Variants in TRIM11 observed in about 807,000 individuals in gnomAD.
The protein encoded by TRIM11 is E3 ubiquitin-protein ligase TRIM11.
Under a neutral mutation model 33.4 loss-of-function variants are expected in TRIM11, and 15 were observed. The ratio of observed to expected loss-of-function variants is 0.45; its 90% confidence interval spans 0.30 to 0.69. The LOEUF (loss-of-function observed/expected upper bound fraction) is 0.69. Among genes scored for constraint, TRIM11 ranks in the 30% least tolerant of loss-of-function variants. The pLI is 0.08. For synonymous variants in TRIM11, 281 were observed against 302.6 expected, an observed-to-expected ratio of 0.93 and a Z score of 0.74; for missense variants, 499 against 667.6, an observed-to-expected ratio of 0.75 and a Z score of 2.78.
rs779690968 is a variant in TRIM11, at chr1:228,396,890, G to C, written c.859+57C>G. 2.1e-5 allele frequency: 32 copies of C among 1,546,654 alleles called. No homozygotes were observed. In the Admixed American group the frequency reaches 2.5e-4, roughly 12 times the overall value. On this transcript the variant is annotated intron_variant, in intron 5 of 5. Coordinates refer to ENST00000284551, the MANE Select transcript of TRIM11 (RefSeq NM_145214.3). ...CACAGAACACGTGGCTGGCTGCCCA[G>C]GTCCTTGGCAGGTCCCCTCCTGGAG...
In TRIM11 at chr1:228,401,803, C is replaced by G. The variant is rs1214189996; in HGVS notation, c.504+263G>C. 1.3e-5 allele frequency among the ~76,000 whole-genome samples: 2 copies of G among 152,176 alleles called. No individual in the cohort carries two copies. Among genetic ancestry groups the G allele is most frequent in the Non-Finnish European group, 2.9e-5 (2 of 68,022 alleles). On this transcript the variant is annotated intron_variant, in intron 2 of 5. Transcript: ENST00000284551. The surrounding 1 kb of genome is among the most constrained non-coding windows in gnomAD (Gnocchi z 6.1). ...CTCCAGGGCCCAGACCCTAAATACA[C>G]CTGAGAGTTGCCACCCAAGCATGCT...
At chr1:228,398,176 T>C (rs1375240675) in intron 3 of TRIM11, among the ~76,000 whole-genome samples, 1 of 152,194 alleles carries the variant, frequency 6.6e-6, no homozygotes, top group African/African-American at 2.4e-5. Context: ...TCCCACACCA[T>C]GTTCATTCTA....
chr1:228,397,099 C>A (rs1260427879), intron 4 of TRIM11, 44 bp downstream of exon 4: 7 of 1,613,888 alleles, frequency 4.3e-6, no homozygotes, highest in Non-Finnish European at 5.9e-6. Flanking sequence ...TGGGTCCCAC[C>A]CCACTCCCTC....
chr1:228,399,217 C>A (rs1043196874), intron 3 of TRIM11, among the ~76,000 whole-genome samples: 3 of 152,166 alleles, frequency 2.0e-5, no homozygotes, highest in African/African-American at 7.2e-5. Flanking sequence ...ACCTGTCCCT[C>A]TCAAACCAGC....
At chr1:228,396,407 A>C in intron 5 of TRIM11, 1 of 509,326 alleles carries the variant, frequency 2.0e-6, no homozygotes, top group Non-Finnish European at 3.5e-6. Flanking sequence ...GCACCCAGGG[A>C]GGGTGGGAAA....
Position 228,406,108 on chromosome 1 carries a change from C to T in TRIM11, c.408+46G>A. The stretch of plus-strand genomic sequence containing the variant: ...TCCCACCCGCCCAGGCCTCCCCAGT[C>T]CCCGGCTCCCCGACGCCCCTGCACG... On this transcript the variant is annotated intron_variant, in intron 1 of 5. Transcript: ENST00000284551. This position sits in a 1 kb window ranked among gnomAD's most constrained non-coding sequence, Gnocchi z 8.2. 1 of 1,204,642 alleles carries T rather than the reference C, an allele frequency of 8.3e-7. No homozygotes were observed. The highest frequency in any genetic ancestry group is 1.1e-6 in the Non-Finnish European group (1 of 928,812). The allele number at this position is 1,204,642 out of a possible 1,614,324, so 74.6% of individuals were successfully genotyped here.
rs1656212576 is a variant in TRIM11 at position 228,401,291 on chromosome 1, G to A, written c.505-97C>T. 5 of 1,434,640 alleles carry A rather than the reference G, an allele frequency of 3.5e-6. No individual in the cohort carries two copies. The highest frequency in any genetic ancestry group is 5.0e-5 in the East Asian group (2 of 40,388). 88.9% of individuals were successfully genotyped at this position (1,434,640 alleles called of 1,614,324 possible). ...CCCAAGCCCACCCAGAGGCCTGGCT[G>A]CACCCAACCCCACCCCCGGGGCCTG... On this transcript the variant is annotated intron_variant, in intron 2 of 5. Transcript: ENST00000284551. This position sits in a 1 kb window ranked among gnomAD's most constrained non-coding sequence, Gnocchi z 6.1.
intron 3 of TRIM11, among the ~76,000 whole-genome samples, chr1:228,399,154 C>A (rs505849): frequency 6.6e-6 from 1 of 152,114 alleles, no homozygotes; most frequent in African/African-American, 2.4e-5. Flanking sequence ...GTGCTGGGAA[C>A]CCGGGTTGGG....
rs200949368 is a variant in TRIM11 at position 228,401,032 on chromosome 1, C to A, written c.667G>T (p.Ala223Ser). 4.3e-6 allele frequency: 7 copies of A among 1,610,916 alleles called. No individual in the cohort carries two copies. The South Asian group carries it at 4.4e-5, about 10-fold the overall frequency. ...TCGGCGATGAGCTCAGCTAGGTGGGCGCTCTGCTGGCCTAGGTGGGCTGCG... is the reference window on the plus strand; with the variant it reads ...TCGGCGATGAGCTCAGCTAGGTGGGAGCTCTGCTGGCCTAGGTGGGCTGCG... ...EGAAHLGQQS[A>S]HLAELIAELE... The change falls in exon 3 of 6, where the codon GCC (alanine) becomes TCC (serine). Residue 223 changes from alanine to serine, a missense_variant. Physicochemically the swap from Ala to Ser is moderately conservative, Grantham distance 99. Transcript: ENST00000284551. This position sits in a 1 kb window ranked among gnomAD's most constrained non-coding sequence, Gnocchi z 6.1.
rs2074975328 is a variant in TRIM11 at position 228,395,357 on chromosome 1, G to A, written c.860-105C>T. 1 of 1,270,776 alleles carries A rather than the reference G, an allele frequency of 7.9e-7. No individual in the cohort carries two copies. 78.7% of individuals were successfully genotyped at this position (1,270,776 alleles called of 1,614,324 possible). On this transcript the variant is annotated intron_variant, in intron 5 of 5. Coordinates refer to ENST00000284551, the MANE Select transcript of TRIM11 (RefSeq NM_145214.3). This position sits in a 1 kb window ranked among gnomAD's most constrained non-coding sequence, Gnocchi z 4.8. The stretch of plus-strand genomic sequence containing the variant: ...TACAATCCTCCCAGTCGGACGGCCT[G>A]GCTCTCTGCCCTGGGCCTGTAGCCT...
Position 228,406,086 on chromosome 1 carries a change from CA to C in TRIM11, c.408+67del. 117 of 1,267,668 alleles carry C rather than the reference CA, an allele frequency of 9.2e-5. No individual in the cohort carries two copies. The highest frequency in any genetic ancestry group is 1.1e-4 in the Non-Finnish European group (109 of 986,998). The allele number at this position is 1,267,668 out of a possible 1,614,324, so 78.5% of individuals were successfully genotyped here. A position where few individuals can be genotyped will look rare whatever the true frequency, so the allele number is the denominator to read the frequency against. On this transcript the variant is annotated intron_variant, in intron 1 of 5. Coordinates refer to ENST00000284551, the MANE Select transcript of TRIM11 (RefSeq NM_145214.3). The surrounding 1 kb of genome is among the most constrained non-coding windows in gnomAD (Gnocchi z 8.2). Reference sequence around the variant, plus strand: ...TCCCGGAGCAGTCCCCCAAACCTCCCACCCGCCCAGGCCTCCCCAGTCCCCG... The same window carrying C: ...TCCCGGAGCAGTCCCCCAAACCTCCCCCCGCCCAGGCCTCCCCAGTCCCCG...
At chr1:228,405,840 A>C (rs1574089241) in intron 1 of TRIM11, 1 of 306,644 alleles carries the variant, frequency 3.3e-6, no homozygotes, top group South Asian at 1.5e-4. Flanking sequence ...CCACTCCACC[A>C]CCTTCCACCT....
chr1:228,405,944 GGC>G (rs1006187379), intron 1 of TRIM11: 91 of 469,756 alleles, frequency 1.9e-4, no homozygotes, highest in African/African-American at 1.8e-3. Context: ...AGCCTCAAGG[GGC>G]CTGGTTGAAA....
At position 228,395,041 on chromosome 1, in the gene TRIM11, C is replaced by T. The variant is rs754914330; in HGVS notation, c.1071G>A (p.Gly357=). Residue 357 remains glycine (G), a synonymous_variant, in exon 6 of 6, where the codon GGG becomes GGA. Coordinates refer to ENST00000284551, the MANE Select transcript of TRIM11 (RefSeq NM_145214.3). The surrounding 1 kb of genome is among the most constrained non-coding windows in gnomAD (Gnocchi z 4.8). ...TCCTGTTCACGTTCTCCCTGCACAC[C>T]CCCAGGGCCCAGCTGGTGCGGTCCC... is the stretch of plus-strand genomic sequence containing the variant. ...EVGDRTSWAL[G]VCRENVNRKE... is the part of the protein sequence containing the mutation. The T allele has an allele frequency of 5.0e-6, 8 of 1,613,476 alleles. No homozygotes were observed. Among genetic ancestry groups the T allele is most frequent in the Non-Finnish European group, 6.8e-6 (8 of 1,179,632 alleles).
Position 228,406,394 on chromosome 1 carries a change from G to A in TRIM11, c.168C>T (p.Cys56=). Residue 56 remains cysteine, a synonymous_variant, in exon 1 of 6, where the codon TGC becomes TGT. Coordinates refer to ENST00000284551, the MANE Select transcript of TRIM11 (RefSeq NM_145214.3). This position sits in a 1 kb window ranked among gnomAD's most constrained non-coding sequence, Gnocchi z 8.2. Reference sequence around the variant, plus strand: ...GGTTCCTCTGCGGGGACAGCTCGCGGCACTCGGGGCACGCGTACGGGCCCT... The same window carrying A: ...GGTTCCTCTGCGGGGACAGCTCGCGACACTCGGGGCACGCGTACGGGCCCT... The part of the protein sequence containing the change: ...QPEGPYACPE[C]RELSPQRNLR... 1 of 1,553,194 alleles carries A rather than the reference G, an allele frequency of 6.4e-7. No homozygotes were observed. Among genetic ancestry groups the A allele is most frequent in the East Asian group, 2.5e-5 (1 of 40,106 alleles).
rs775433961 is a variant in TRIM11 at position 228,394,761 on chromosome 1, G to T, written c.1351C>A (p.Pro451Thr). ...LFSPLSSSPT[P>T]MTICRPKGGS... is the part of the protein sequence containing the mutation. ...CCTTTCGGCCGGCAGATAGTCATCGGGGTCGGGCTGCTGGACAGGGGTGAG... is the reference window on the plus strand; with the variant it reads ...CCTTTCGGCCGGCAGATAGTCATCGTGGTCGGGCTGCTGGACAGGGGTGAG... The change falls in exon 6 of 6, where the codon CCG (proline) becomes ACG (threonine). Residue 451 changes from proline to threonine, a missense_variant. Transcript: ENST00000284551. The surrounding 1 kb of genome is among the most constrained non-coding windows in gnomAD (Gnocchi z 6.2). 6.2e-7 allele frequency: 1 copy of T among 1,613,630 alleles called. No individual in the cohort carries two copies. The highest frequency in any genetic ancestry group is 1.7e-5 in the Admixed American group (1 of 59,984).
chr1:228,398,413 T>C (rs1417267505), intron 3 of TRIM11, among the ~76,000 whole-genome samples: 6 of 151,158 alleles, frequency 4.0e-5, no homozygotes, highest in Non-Finnish European at 2.9e-5. Context: ...AGTCCAGGAG[T>C]TCAAGACCAG....
rs1656148179 is a variant in TRIM11, at chr1:228,400,443, G to C, written c.735+521C>G. On this transcript the variant is annotated intron_variant, in intron 3 of 5. Transcript: ENST00000284551. The surrounding 1 kb of genome is among the most constrained non-coding windows in gnomAD (Gnocchi z 4.5). ...AGGAAAGCCCAGGCCCAGGGGGCCG[G>C]CTCAGGGAGTGGAGCCCACACATGG... 6.6e-6 allele frequency among the ~76,000 whole-genome samples: 1 copy of C among 152,202 alleles called. No individual in the cohort carries two copies. Among genetic ancestry groups the C allele is most frequent in the Admixed American group, 6.5e-5 (1 of 15,284 alleles).
rs113143031 is a variant in TRIM11 at position 228,402,028 on chromosome 1, A to G, written c.504+38T>C. 1,307 of 1,576,238 alleles carry G rather than the reference A, an allele frequency of 8.3e-4. 10 individuals are homozygous for G. In the African/African-American group the frequency reaches 0.015, roughly 19 times the overall value. On this transcript the variant is annotated intron_variant, in intron 2 of 5. Coordinates refer to ENST00000284551, the MANE Select transcript of TRIM11 (RefSeq NM_145214.3). ...CTCCTATACAGGACCTTCACCCCCTACCCTGCCACCCAGGACCCTGGGAGC... is the reference window on the plus strand; with the variant it reads ...CTCCTATACAGGACCTTCACCCCCTGCCCTGCCACCCAGGACCCTGGGAGC...
Sources: gnomAD v4.1 joint callset for allele counts (sites outside exome capture counted in the v4.1 genomes callset) on GRCh38, gnomAD v4.1.1 for gene constraint, Gnocchi (gnomAD v3.1) non-coding constraint, MANE v1.5 for transcripts, NCBI Gene and HGNC (gene_info 2026-07-23, HGNC 2026-07-21) for gene names.